The following TRIM29 variants were observed in gnomAD, a reference collection of about 807,000 sequenced individuals.
TRIM29 encodes tripartite motif containing 29.
In TRIM29, 52 loss-of-function variants were observed where a neutral mutation model predicts 57.3. That is an observed-to-expected ratio of 0.91 (90% CI 0.73 to 1.14). The LOEUF is 1.14. Among genes scored for constraint, TRIM29 ranks in the 50% most tolerant of loss-of-function variants. The probability of loss-of-function intolerance (pLI) is 0.00; values close to 1 mark genes in which losing one functional copy is unlikely to be tolerated. For synonymous variants in TRIM29, 319 were observed against 316.9 expected (o/e 1.01, Z -0.07); for missense variants, 753 against 774.6 (o/e 0.97, Z 0.33).
Position 120,137,256 on chromosome 11 carries a change from G to A in TRIM29, c.776C>T (p.Thr259Ile). Residue 259 changes from threonine to isoleucine, a missense_variant, in exon 1 of 9, where the codon ACA becomes ATA. Coordinates refer to ENST00000341846, the MANE Select transcript of TRIM29 (RefSeq NM_012101.4). This position sits in a 1 kb window ranked among gnomAD's most constrained non-coding sequence, Gnocchi z 6.2. ...FQEHKNHSTV[T>I]VEEAKAEKET... Reference sequence around the variant, plus strand: ...CTTCTCGGCCTTGGCCTCCTCCACTGTCACGGTGCTATGATTCTTGTGCTC... The same window carrying A: ...CTTCTCGGCCTTGGCCTCCTCCACTATCACGGTGCTATGATTCTTGTGCTC... 1.9e-6 allele frequency: 3 copies of A among 1,614,192 alleles called. No homozygotes were observed. The highest frequency in any genetic ancestry group is 2.5e-6 in the Non-Finnish European group (3 of 1,180,044).
At chr11:120,129,489 T>G (rs907719062) in intron 1 of TRIM29, among the ~76,000 whole-genome samples, 4 of 152,118 alleles carry the variant, frequency 2.6e-5, no homozygotes. Flanking sequence ...GGGTTTTGAA[T>G]GCAGAGTCCC....
rs1282885265 is a variant in TRIM29 at position 120,120,449 on chromosome 11, T to A, written c.1528+124A>T. 2.7e-5 allele frequency: 24 copies of A among 876,002 alleles called. No individual in the cohort carries two copies. The East Asian group carries it at 6.4e-4, about 24-fold the overall frequency. The allele number at this position is 876,002 out of a possible 1,614,324, so 54.3% of individuals were successfully genotyped here. A position where few individuals can be genotyped will look rare whatever the true frequency, so the allele number is the denominator to read the frequency against. On this transcript the variant is annotated intron_variant, in intron 6 of 8. Coordinates refer to ENST00000341846, the MANE Select transcript of TRIM29 (RefSeq NM_012101.4). ...CCATGCCTGGACCCTCCACCCATCC[T>A]AGCTTCCCACATTCATCTCACACTG...
intron 6 of TRIM29, among the ~76,000 whole-genome samples, chr11:120,118,603 C>G (rs532797954): frequency 6.6e-6 from 1 of 151,722 alleles, no homozygotes; most frequent in African/African-American, 2.4e-5. Flanking sequence ...GTGAGTTGCT[C>G]CCCCAACCCC....
chr11:120,122,899 G>A (rs867388312), intron 5 of TRIM29, 55 bp downstream of exon 5: 4 of 1,512,548 alleles, frequency 2.6e-6, no homozygotes, highest in Middle Eastern at 3.9e-4. Context: ...CGGACTTTGG[G>A]GGCCCCTGGG....
At chr11:120,120,349 ACACACACAC>A (rs1863404308) in intron 6 of TRIM29, among the ~76,000 whole-genome samples, 1 of 2,252 alleles carries the variant, frequency 4.4e-4, no homozygotes, top group African/African-American at 8.8e-4. Context: ...ACATGTACAC[ACACACACAC>A]ACACACACAC....
At chr11:120,122,137 T>A in intron 5 of TRIM29, 1 of 257,078 alleles carries the variant, frequency 3.9e-6, no homozygotes, top group Non-Finnish European at 7.8e-6. Flanking sequence ...TGTGAGTGTG[T>A]GTGTGTGTGT....
At position 120,127,512 on chromosome 11, in the gene TRIM29, C is replaced by T. The variant is rs1863618936; in HGVS notation, c.958G>A (p.Asp320Asn). 7 of 1,614,082 alleles carry T rather than the reference C, an allele frequency of 4.3e-6. No individual in the cohort carries two copies. The highest frequency in any genetic ancestry group is 1.3e-5 in the African/African-American group (1 of 74,928). ...LEQNFRDLVR[D>N]LEKQKEEVRA... ...ACTTCCTCCTTTTGCTTCTCCAGGTCCCGCACCAGGTCCCGGAAGTTCTGC... is the reference window on the plus strand; with the variant it reads ...ACTTCCTCCTTTTGCTTCTCCAGGTTCCGCACCAGGTCCCGGAAGTTCTGC... The change falls in exon 3 of 9, where the codon GAC becomes AAC. Residue 320 changes from aspartate (D) to asparagine (N), a missense_variant. Asp to Asn is a conservative substitution (Grantham distance 23). Coordinates refer to ENST00000341846, the MANE Select transcript of TRIM29 (RefSeq NM_012101.4).
chr11:120,121,011 G>A (rs1220640278), intron 5 of TRIM29: 1 of 386,022 alleles, frequency 2.6e-6, no homozygotes, highest in African/African-American at 2.1e-5. Flanking sequence ...CCAGGCTGCT[G>A]CTTCCCGGGA....
At position 120,125,817 on chromosome 11, in the gene TRIM29, C is replaced by T. The variant is rs1353168212; in HGVS notation, c.1207G>A (p.Glu403Lys). 3.7e-6 allele frequency: 6 copies of T among 1,614,058 alleles called. No homozygotes were observed. The highest frequency in any genetic ancestry group is 5.1e-6 in the Non-Finnish European group (6 of 1,180,046). ...LPTYHVLLEGEGLGQSLGNFK... is the reference protein window; with the variant it reads ...LPTYHVLLEGKGLGQSLGNFK... ...TTGCCTAGTGACTGTCCCAGGCCCT[C>T]CCCCTCCAGCAGGACATGATAGGTG... The change falls in exon 4 of 9, where the codon GAG becomes AAG. Residue 403 changes from glutamate (E) to lysine (K), a missense_variant. Glu to Lys is a moderately conservative substitution (Grantham distance 56). Coordinates refer to ENST00000341846, the MANE Select transcript of TRIM29 (RefSeq NM_012101.4).
chr11:120,114,464 G>A (rs894179964), intron 8 of TRIM29, among the ~76,000 whole-genome samples: 2 of 152,272 alleles, frequency 1.3e-5, no homozygotes, highest in African/African-American at 4.8e-5. Flanking sequence ...CTCCTGCTCT[G>A]ACCTCCAATT....
rs1366112852 is a variant in TRIM29 at position 120,111,860 on chromosome 11, G to T, written c.*554C>A. 6.4e-6 allele frequency: 1 copy of T among 156,312 alleles called. No homozygotes were observed. Among genetic ancestry groups the T allele is most frequent in the African/African-American group, 2.4e-5 (1 of 41,494 alleles). 9.7% of individuals were successfully genotyped at this position (156,312 alleles called of 1,614,324 possible). On this transcript the variant is annotated 3_prime_UTR_variant, in exon 9 of 9. Transcript: ENST00000341846. ...CCATCTGCAGTGGCCAAGGGCTGCA[G>T]GTTCTGCCATGCTGGGCATTGATAG...
intron 4 of TRIM29, 172 bp from the exon 5 acceptor site, chr11:120,123,227 G>T (rs191082832): frequency 1.4e-6 from 1 of 703,242 alleles, no homozygotes; most frequent in East Asian, 2.7e-5. Context: ...GCATTCACTC[G>T]GTTCCTGAGC....
chr11:120,112,881 C>G (rs2134975016), intron 8 of TRIM29, among the ~76,000 whole-genome samples: 1 of 152,308 alleles, frequency 6.6e-6, no homozygotes. Context: ...ATTTTTACAA[C>G]CACCCAATTA....
At position 120,118,234 on chromosome 11, in the gene TRIM29, A is replaced by G. The variant is rs1170281715; in HGVS notation, c.1616T>C (p.Phe539Ser). Residue 539 changes from phenylalanine to serine, a missense_variant, in exon 7 of 9, where the codon TTC (phenylalanine) becomes TCC (serine). By Grantham distance (155) the Phe-to-Ser change is radical (BLOSUM62 -2). Coordinates refer to ENST00000341846, the MANE Select transcript of TRIM29 (RefSeq NM_012101.4). ...DLPVVQGSSS[F>S]SLKGYPSLMR... ...GTGGGCAAGCTCACCTTTCAGGGAG[A>G]AGGAGGAGCTGCCTTGGACGACGGG... 1.2e-6 allele frequency: 2 copies of G among 1,613,920 alleles called. No individual in the cohort carries two copies. Among genetic ancestry groups the G allele is most frequent in the African/African-American group, 2.7e-5 (2 of 75,014 alleles).
chr11:120,126,954 T>G (rs1038592348), intron 3 of TRIM29, among the ~76,000 whole-genome samples: 5 of 152,142 alleles, frequency 3.3e-5, no homozygotes, highest in African/African-American at 1.2e-4. Context: ...AATGGATGAA[T>G]AGACAAACGG....
intron 2 of TRIM29, among the ~76,000 whole-genome samples, chr11:120,128,191 A>T (rs1863637993): frequency 1.3e-5 from 2 of 152,192 alleles, no homozygotes; most frequent in Admixed American, 1.3e-4. Flanking sequence ...TGAAATGGGC[A>T]TTAGGTCACA....
intron 8 of TRIM29, chr11:120,113,630 G>A (rs1591315801): frequency 2.2e-6 from 1 of 456,212 alleles, no homozygotes; most frequent in Non-Finnish European, 4.4e-6. Flanking sequence ...AGGACTTGAG[G>A]GATGCTCAGA....
chr11:120,134,493 C>G (rs146931408), intron 1 of TRIM29, among the ~76,000 whole-genome samples: 1,553 of 152,334 alleles, frequency 0.01, 23 homozygotes, highest in African/African-American at 0.035. Context: ...TTTGGCCCAT[C>G]TACCCACTAA....
Position 120,128,460 on chromosome 11 carries a change from G to C in TRIM29, c.840C>G (p.Leu280=). 3 of 1,612,088 alleles carry C rather than the reference G, an allele frequency of 1.9e-6. No individual in the cohort carries two copies. Among genetic ancestry groups the C allele is most frequent in the Middle Eastern group, 3.3e-4 (2 of 6,012 alleles). The change falls in exon 2 of 9, where the codon CTC becomes CTG. Residue 280 remains leucine, a synonymous_variant. Coordinates refer to ENST00000341846, the MANE Select transcript of TRIM29 (RefSeq NM_012101.4). ...CTTCATCCTCAATCTCAATGATCTTGAGCTGCAGCTGCTCCTTTTGCAATG... is the reference window on the plus strand; with the variant it reads ...CTTCATCCTCAATCTCAATGATCTTCAGCTGCAGCTGCTCCTTTTGCAATG... ...ELSLQKEQLQ[L]KIIEIEDEAE...
Sources: gnomAD v4.1 joint callset for allele counts (sites outside exome capture counted in the v4.1 genomes callset) on GRCh38, gnomAD v4.1.1 for gene constraint, Gnocchi (gnomAD v3.1) non-coding constraint, MANE v1.5 for transcripts, NCBI Gene and HGNC (gene_info 2026-07-23, HGNC 2026-07-21) for gene names.